ZNF385D: variants seen among roughly 807,000 people sequenced by gnomAD.
ZNF385D encodes the protein zinc finger protein 659.
ZNF385D carries 15 observed loss-of-function variants against 35.8 expected under a neutral mutation model. The ratio of observed to expected loss-of-function variants is 0.42; its 90% CI spans 0.28 to 0.64. ZNF385D has a LOEUF of 0.64. Among genes scored for constraint, ZNF385D ranks in the 30% least tolerant of loss-of-function variants. ZNF385D has a pLI of 0.23. For synonymous variants in ZNF385D, 212 were observed against 186.8 expected (o/e 1.13, Z -1.10); for missense variants, 474 against 494.6 (o/e 0.96, Z 0.39).
At chr3:22,240,215 C>A (rs1444628230) in intron 2 of ZNF385D, among the ~76,000 whole-genome samples, 1 of 142,094 alleles carries the variant, frequency 7.0e-6, no homozygotes, top group East Asian at 2.2e-4. Context: ...ATTTCAGACA[C>A]CTGGCTCCAC....
At chr3:21,949,128 CT>C (rs1559783204) in intron 3 of ZNF385D, among the ~76,000 whole-genome samples, 1 of 152,002 alleles carries the variant, frequency 6.6e-6, no homozygotes, top group Non-Finnish European at 1.5e-5. Flanking sequence ...GTGACAATTC[CT>C]TTTATCATCT....
intron 2 of ZNF385D, among the ~76,000 whole-genome samples, chr3:21,653,760 A>C (rs1479942326): frequency 6.6e-6 from 1 of 152,000 alleles, no homozygotes; most frequent in Non-Finnish European, 1.5e-5. Flanking sequence ...AAAAGTAAGT[A>C]GAACTATCCG....
chr3:22,126,305 A>G (rs1388766269), intron 3 of ZNF385D, among the ~76,000 whole-genome samples: 1 of 126,868 alleles, frequency 7.9e-6, no homozygotes, highest in Non-Finnish European at 1.6e-5. Context: ...ATGTATTTGA[A>G]AGTTGTTTTT....
intron 3 of ZNF385D, among the ~76,000 whole-genome samples, chr3:21,759,783 C>T (rs1575601839): frequency 6.6e-6 from 1 of 152,004 alleles, no homozygotes; most frequent in Non-Finnish European, 1.5e-5. Flanking sequence ...TCTTATTTTG[C>T]CTTTAAAAAA....
Position 21,789,937 on chromosome 3 carries a change from AC to A in ZNF385D, c.326-124910del, listed in dbSNP as rs150683061. Among the ~76,000 whole-genome samples, 373 of 152,316 alleles carry A rather than the reference AC, an allele frequency of 2.4e-3. 4 individuals are homozygous for A. The highest frequency in any genetic ancestry group is 8.5e-3 in the African/African-American group (354 of 41,568). On this transcript the variant is annotated intron_variant, in intron 3 of 5. Transcript: ENST00000494108. The stretch of plus-strand genomic sequence containing the variant: ...TGGGTAAGGGGATGAAAAGCTCTTA[AC>A]AGGAAATTGGCTAACACAGTCAGAC...
intron 3 of ZNF385D, among the ~76,000 whole-genome samples, chr3:21,553,856 AAGG>A (rs1441622547): frequency 1.3e-5 from 2 of 152,156 alleles, no homozygotes; most frequent in Non-Finnish European, 2.9e-5. Flanking sequence ...TCCTCCATGA[AAGG>A]AGGAGGTTAT....
chr3:22,013,710 C>A (rs1271558803), intron 3 of ZNF385D, among the ~76,000 whole-genome samples: 1 of 151,930 alleles, frequency 6.6e-6, no homozygotes, highest in African/African-American at 2.4e-5. Flanking sequence ...AGTGTGAGTC[C>A]CCTAAGAGAC....
At chr3:22,004,673 G>T (rs577506374) in intron 3 of ZNF385D, among the ~76,000 whole-genome samples, 1 of 152,148 alleles carries the variant, frequency 6.6e-6, no homozygotes, top group South Asian at 2.1e-4. Flanking sequence ...GTGGACAAAG[G>T]ACAGACAGAA....
At chr3:21,808,352 T>A (rs557975356) in intron 3 of ZNF385D, among the ~76,000 whole-genome samples, 1 of 152,304 alleles carries the variant, frequency 6.6e-6, no homozygotes, top group South Asian at 2.1e-4. Context: ...CCTTCCCTCC[T>A]CCAGGAAAAC....
chr3:21,680,914 T>C (rs2066878994), intron 1 of ZNF385D, among the ~76,000 whole-genome samples: 1 of 152,174 alleles, frequency 6.6e-6, no homozygotes, highest in Non-Finnish European at 1.5e-5. Flanking sequence ...AAGCCCATAG[T>C]CAGACAGTCC....
chr3:21,964,429 A>G (rs867199710), intron 3 of ZNF385D, among the ~76,000 whole-genome samples: 1,170 of 82,308 alleles, frequency 0.014, 46 homozygotes, highest in African/African-American at 0.12. Context: ...AAAAAAAAAA[A>G]AAAGAAAAAA....
intron 3 of ZNF385D, among the ~76,000 whole-genome samples, chr3:21,838,264 G>A (rs1695449458): frequency 6.6e-6 from 1 of 152,068 alleles, no homozygotes; most frequent in African/African-American, 2.4e-5. Context: ...TGAGTAAAAT[G>A]CTATTGAGAA....
intron 2 of ZNF385D, among the ~76,000 whole-genome samples, chr3:22,179,832 C>G (rs1333869883): frequency 1.3e-5 from 2 of 152,098 alleles, no homozygotes; most frequent in Non-Finnish European, 2.9e-5. Context: ...CAAGAGAAAG[C>G]AGGAAAGATC....
intron 2 of ZNF385D, among the ~76,000 whole-genome samples, chr3:22,308,412 T>C (rs952295977): frequency 2.0e-5 from 3 of 151,758 alleles, no homozygotes; most frequent in African/African-American, 7.3e-5. Flanking sequence ...ACAAAAACAT[T>C]ATAAGAACAA....
At position 21,815,807 on chromosome 3, in the gene ZNF385D, G is replaced by A. The variant is rs567648654; in HGVS notation, c.326-150779C>T. Among the ~76,000 whole-genome samples, 123 of 152,264 alleles carry A rather than the reference G, an allele frequency of 8.1e-4. 1 individual carries two copies. In the Middle Eastern group the frequency reaches 0.01, roughly 13 times the overall value. ...ACTATTCCAATCAATAGAAAAAGAG[G>A]AAATCCTCCCTAACTCATTTTATGA... On this transcript the variant is annotated intron_variant, in intron 3 of 5. Transcript: ENST00000494108.
At chr3:22,072,590 G>A (rs1326561639) in intron 3 of ZNF385D, among the ~76,000 whole-genome samples, 2 of 151,826 alleles carry the variant, frequency 1.3e-5, no homozygotes, top group African/African-American at 4.8e-5. Flanking sequence ...CAAATTTAAG[G>A]TATATTGTTA....
At chr3:22,101,309 T>C (rs1416935543) in intron 3 of ZNF385D, among the ~76,000 whole-genome samples, 1 of 151,998 alleles carries the variant, frequency 6.6e-6, no homozygotes, top group Non-Finnish European at 1.5e-5. Context: ...TTTATGTAGA[T>C]AGAGAGATAG....
chr3:22,219,158 A>G (rs1019305647), intron 2 of ZNF385D, among the ~76,000 whole-genome samples: 8 of 152,170 alleles, frequency 5.3e-5, no homozygotes, highest in African/African-American at 1.7e-4. Context: ...TCTGTTTCAA[A>G]TATCTTGGAA....
At chr3:21,988,681 C>G (rs1320437596) in intron 3 of ZNF385D, among the ~76,000 whole-genome samples, 7 of 151,548 alleles carry the variant, frequency 4.6e-5, no homozygotes, top group Non-Finnish European at 8.8e-5. Flanking sequence ...CCTCCTTGAG[C>G]TGTGGTGGGC....
Sources: allele counts gnomAD v4.1 joint callset (sites outside exome capture counted in the v4.1 genomes callset), GRCh38; gene constraint gnomAD v4.1.1; transcripts MANE v1.5; gene names NCBI Gene and HGNC (gene_info 2026-07-23, HGNC 2026-07-21).